The following PLCL1 variants were observed in gnomAD, a reference collection of about 807,000 sequenced individuals.
The protein encoded by PLCL1 is inactive phospholipase C-like protein 1.
A neutral mutation model predicts 84.4 loss-of-function variants in PLCL1; 41 were observed. That is an observed-to-expected ratio of 0.49 (90% CI 0.38 to 0.63). PLCL1 has a LOEUF of 0.63. Among genes scored for constraint, PLCL1 ranks in the 30% least tolerant of loss-of-function variants. The pLI, the probability that PLCL1 is intolerant of heterozygous loss-of-function variation, is 0.00. For synonymous variants in PLCL1, 490 were observed against 488.3 expected (o/e 1.00, Z -0.05); for missense variants, 1,206 against 1,367.8 (o/e 0.88, Z 1.87).
rs913285187 is a variant in PLCL1, at chr2:197,924,385, A to G, written c.240+119046A>G. Among the ~76,000 whole-genome samples, 11 of 152,264 alleles carry G rather than the reference A, an allele frequency of 7.2e-5. No individual in the cohort carries two copies. In the East Asian group the frequency reaches 2.1e-3, roughly 29 times the overall value. On this transcript the variant is annotated intron_variant, in intron 1 of 5. Coordinates refer to ENST00000428675, the MANE Select transcript of PLCL1 (RefSeq NM_006226.4). ...AAACATCTTTTCAGGTGAACCCTCC[A>G]CTGGTATTGACAATGGAGAAAGCTC... is the stretch of plus-strand genomic sequence containing the variant.
intron 1 of PLCL1, among the ~76,000 whole-genome samples, chr2:198,069,162 T>C (rs1692404535): frequency 7.8e-6 from 1 of 128,430 alleles, no homozygotes; most frequent in Non-Finnish European, 1.6e-5. Flanking sequence ...CACCTGGCAG[T>C]TTTTTTTTTT....
chr2:198,018,581 A>G (rs1353076451), intron 1 of PLCL1, among the ~76,000 whole-genome samples: 3 of 152,200 alleles, frequency 2.0e-5, no homozygotes, highest in Admixed American at 6.5e-5. Flanking sequence ...TTGAGTAGGC[A>G]GTTTTCCCCT....
At position 198,148,092 on chromosome 2, in the gene PLCL1, T is replaced by C. The variant is rs555104389; in HGVS notation, c.*1130T>C. 1.3e-5 allele frequency: 2 copies of C among 152,404 alleles called. No individual in the cohort carries two copies. Among genetic ancestry groups the C allele is most frequent in the East Asian group, 1.9e-4 (1 of 5,316 alleles). 9.4% of individuals were successfully genotyped at this position (152,404 alleles called of 1,614,324 possible). On this transcript the variant is annotated 3_prime_UTR_variant, in exon 6 of 6. Transcript: ENST00000428675. ...AAAAGAAATGACTAATTAGGGTACA[T>C]TTATAATTGCATCTAGGTAATTTTT...
chr2:197,942,638 C>T (rs550704042), intron 1 of PLCL1, among the ~76,000 whole-genome samples: 9 of 152,244 alleles, frequency 5.9e-5, no homozygotes, highest in Non-Finnish European at 8.8e-5. Flanking sequence ...ACACAAGGGA[C>T]GCATGAATTT....
At chr2:198,023,224 C>T (rs1159348071) in intron 1 of PLCL1, among the ~76,000 whole-genome samples, 1 of 152,148 alleles carries the variant, frequency 6.6e-6, no homozygotes, top group Non-Finnish European at 1.5e-5. Flanking sequence ...GGACCTCTTC[C>T]TTACACCTTA....
chr2:197,937,779 C>T (rs1359491545), intron 1 of PLCL1, among the ~76,000 whole-genome samples: 3 of 152,106 alleles, frequency 2.0e-5, no homozygotes, highest in African/African-American at 7.2e-5. Flanking sequence ...AGGTGCTTTA[C>T]AAAAGGATTA....
chr2:198,146,767 T>C lies in PLCL1; in HGVS notation c.3106-13T>C. 1.2e-6 allele frequency: 2 copies of C among 1,604,776 alleles called. No homozygotes were observed. The highest frequency in any genetic ancestry group is 2.2e-5 in the South Asian group (2 of 90,202). ...AACTGTCTTCTTTGATGCCTGTTTT[T>C]TTCTGTTTGTAGGGCCAAGGAGATC... On this transcript the variant is annotated splice_polypyrimidine_tract_variant and intron_variant, in intron 5 of 5. Transcript: ENST00000428675.
chr2:198,071,792 A>C (rs17791296), intron 1 of PLCL1, among the ~76,000 whole-genome samples: 4,032 of 151,940 alleles, frequency 0.027, 68 homozygotes, highest in Non-Finnish European at 0.043. Context: ...ATATTTGTTA[A>C]GAAAAGGTCT....
At position 198,038,892 on chromosome 2, in the gene PLCL1, G is replaced by A. The variant is rs186367525; in HGVS notation, c.241-44866G>A. ...AAGAGTTCACTCAATTTTTTATCTC[G>A]TGTTTTTTCACAAATACCAGAAACA... On this transcript the variant is annotated intron_variant, in intron 1 of 5. Transcript: ENST00000428675. 4.7e-5 allele frequency among the ~76,000 whole-genome samples: 7 copies of A among 149,734 alleles called. No individual in the cohort carries two copies. The East Asian group carries it at 1.2e-3, about 25-fold the overall frequency.
rs540085766 is a variant in PLCL1 at position 198,084,359 on chromosome 2, G to A, written c.842G>A (p.Arg281Lys). The stretch of plus-strand genomic sequence containing the variant: ...CCTACTCTGAAGGAAGCCAAGATCA[G>A]GTTAAAGTTTAAAGAAATCCAGAAG... ...LNPTLKEAKI[R>K]LKFKEIQKSK... is the part of the protein sequence containing the mutation. Residue 281 changes from arginine to lysine, a missense_variant, in exon 2 of 6, where the codon AGG (arginine) becomes AAG (lysine). Transcript: ENST00000428675. 1 of 1,614,102 alleles carries A rather than the reference G, an allele frequency of 6.2e-7. No homozygotes were observed. Among genetic ancestry groups the A allele is most frequent in the Non-Finnish European group, 8.5e-7 (1 of 1,179,980 alleles).
intron 1 of PLCL1, among the ~76,000 whole-genome samples, chr2:197,887,627 A>G (rs1043364457): frequency 6.6e-6 from 1 of 152,196 alleles, no homozygotes; most frequent in African/African-American, 2.4e-5. Flanking sequence ...CAGAGGTACA[A>G]GCACAGTTAT....
At chr2:197,963,606 C>T (rs568240868) in intron 1 of PLCL1, among the ~76,000 whole-genome samples, 2 of 152,068 alleles carry the variant, frequency 1.3e-5, no homozygotes, top group South Asian at 2.1e-4. Flanking sequence ...CCCATCTGCC[C>T]GTTTTTGCTT....
intron 5 of PLCL1, among the ~76,000 whole-genome samples, chr2:198,136,691 G>A (rs1036172808): frequency 3.9e-5 from 6 of 152,108 alleles, no homozygotes; most frequent in Non-Finnish European, 7.4e-5. Flanking sequence ...GGGGCCCTGA[G>A]AATTGACTGA....
At chr2:197,896,432 C>T (rs568680228) in intron 1 of PLCL1, among the ~76,000 whole-genome samples, 1 of 152,072 alleles carries the variant, frequency 6.6e-6, no homozygotes, top group South Asian at 2.1e-4. Flanking sequence ...TCATGGTTTC[C>T]CTTGTTTCAC....
At chr2:198,088,576 CATGATACA>C (rs1452523533) in intron 2 of PLCL1, among the ~76,000 whole-genome samples, 1 of 152,150 alleles carries the variant, frequency 6.6e-6, no homozygotes, top group Non-Finnish European at 1.5e-5. Flanking sequence ...TCCTGATCAC[CATGATACA>C]AATCAAACAT....
At chr2:198,111,360 A>G (rs73984511) in intron 5 of PLCL1, among the ~76,000 whole-genome samples, 3 of 151,778 alleles carry the variant, frequency 2.0e-5, no homozygotes, top group African/African-American at 7.3e-5. Flanking sequence ...TTCCACTCAC[A>G]TTTGACTGGT....
chr2:198,056,902 C>A (rs1169859963), intron 1 of PLCL1, among the ~76,000 whole-genome samples: 1 of 152,106 alleles, frequency 6.6e-6, no homozygotes, highest in Non-Finnish European at 1.5e-5. Context: ...AAGATGAATT[C>A]CATTTCAATC....
At chr2:197,984,264 T>C (rs1158494710) in intron 1 of PLCL1, among the ~76,000 whole-genome samples, 2 of 152,204 alleles carry the variant, frequency 1.3e-5, no homozygotes, top group East Asian at 3.8e-4. Context: ...ATAAGCTCTT[T>C]TGAGTTACTT....
At chr2:197,812,528 C>T (rs1690608054) in intron 1 of PLCL1, among the ~76,000 whole-genome samples, 1 of 152,178 alleles carries the variant, frequency 6.6e-6, no homozygotes, top group African/African-American at 2.4e-5. Context: ...TTTTGATTTA[C>T]ATTTTTCTAA....
Sources: allele counts gnomAD v4.1 joint callset (sites outside exome capture counted in the v4.1 genomes callset), GRCh38; gene constraint gnomAD v4.1.1; transcripts MANE v1.5; gene names NCBI Gene and HGNC (gene_info 2026-07-23, HGNC 2026-07-21).